Variants in GRM8 observed in about 807,000 individuals in gnomAD.
The protein encoded by GRM8 is metabotropic glutamate receptor 8.
A neutral mutation model predicts 87.2 loss-of-function variants in GRM8; 47 were observed. That is an observed-to-expected ratio of 0.54 (90% confidence interval 0.43 to 0.69). GRM8 has a LOEUF of 0.69. GRM8 is among the 30% of genes least tolerant of loss of function. The pLI, the probability that GRM8 is intolerant of heterozygous loss-of-function variation, is 0.00. For missense variants in GRM8, 1,019 were observed against 1,139.2 expected (o/e 0.89, Z 1.52); for synonymous variants, 396 against 404.5 (o/e 0.98, Z 0.25).
At chr7:126,777,453 TCTC>T (rs1819603073) in intron 6 of GRM8, among the ~76,000 whole-genome samples, 1 of 152,104 alleles carries the variant, frequency 6.6e-6, no homozygotes, top group Admixed American at 6.6e-5. Context: ...CGCTATTCCT[TCTC>T]CTCTGTGAAA....
intron 6 of GRM8, among the ~76,000 whole-genome samples, chr7:126,828,164 TA>T (rs1795003397): frequency 6.6e-6 from 1 of 152,174 alleles, no homozygotes; most frequent in African/African-American, 2.4e-5. Context: ...GATATTGGTC[TA>T]AAATTCTCTT....
At chr7:127,043,330 G>A (rs1313502795) in intron 3 of GRM8, among the ~76,000 whole-genome samples, 1 of 152,140 alleles carries the variant, frequency 6.6e-6, no homozygotes, top group African/African-American at 2.4e-5. Flanking sequence ...GTTTATTGTG[G>A]CACTATTCAC....
At chr7:126,960,491 A>G (rs1216045292) in intron 3 of GRM8, among the ~76,000 whole-genome samples, 2 of 152,224 alleles carry the variant, frequency 1.3e-5, no homozygotes, top group Non-Finnish European at 2.9e-5. Flanking sequence ...CCCAAAGACT[A>G]TACTATTCTT....
chr7:126,535,362 C>G (rs1584979809), intron 8 of GRM8, among the ~76,000 whole-genome samples: 2 of 152,182 alleles, frequency 1.3e-5, no homozygotes, highest in African/African-American at 4.8e-5. Flanking sequence ...TGATGCAGGA[C>G]AGACGAGCCC....
chr7:126,580,220 T>C (rs892878212), intron 8 of GRM8, among the ~76,000 whole-genome samples: 2 of 152,154 alleles, frequency 1.3e-5, no homozygotes, highest in Admixed American at 6.5e-5. Flanking sequence ...ATAATAGTTA[T>C]CGGATAAAAG....
intron 3 of GRM8, among the ~76,000 whole-genome samples, chr7:127,034,067 G>C (rs1003974867): frequency 3.3e-5 from 5 of 152,096 alleles, no homozygotes; most frequent in Admixed American, 2.6e-4. Context: ...ATCAAATTGG[G>C]GAAGGAAATG....
intron 2 of GRM8, among the ~76,000 whole-genome samples, chr7:127,161,339 T>C (rs1187708227): frequency 2.6e-5 from 4 of 152,120 alleles, no homozygotes; most frequent in Non-Finnish European, 4.4e-5. Context: ...ATCTGTGAGA[T>C]AGGGAGGTCC....
chr7:126,495,794 C>T (rs539114612), intron 9 of GRM8, among the ~76,000 whole-genome samples: 1 of 152,096 alleles, frequency 6.6e-6, no homozygotes, highest in South Asian at 2.1e-4. Flanking sequence ...CTTTCTGCTT[C>T]TTAAGCACAT....
intron 6 of GRM8, among the ~76,000 whole-genome samples, chr7:126,787,124 C>A (rs1175857491): frequency 6.6e-6 from 1 of 152,098 alleles, no homozygotes; most frequent in African/African-American, 2.4e-5. Context: ...CCAACAAGTG[C>A]CCAATACCAT....
intron 7 of GRM8, among the ~76,000 whole-genome samples, chr7:126,637,820 T>G (rs1349888968): frequency 6.6e-6 from 1 of 152,180 alleles, no homozygotes; most frequent in Non-Finnish European, 1.5e-5. Flanking sequence ...CTAAGGTAGC[T>G]GCATTTCAGC....
rs569453210 is a variant in GRM8 at position 126,506,720 on chromosome 7, C to T, written c.2430+26232G>A. On this transcript the variant is annotated intron_variant, in intron 9 of 10. Transcript: ENST00000339582. Reference sequence around the variant, plus strand: ...CTTGAGCCCAGGAAACAAAGGTTGCCGAGAGCTGAGATCACACCAGTGCAC... The same window carrying T: ...CTTGAGCCCAGGAAACAAAGGTTGCTGAGAGCTGAGATCACACCAGTGCAC... Among the ~76,000 whole-genome samples the T allele has an allele frequency of 7.3e-5, 11 of 151,080 alleles. No individual in the cohort carries two copies. In the South Asian group the frequency reaches 1.9e-3, roughly 26 times the overall value.
chr7:126,510,009 T>C (rs1451147273), intron 9 of GRM8, among the ~76,000 whole-genome samples: 1 of 151,876 alleles, frequency 6.6e-6, no homozygotes, highest in African/African-American at 2.4e-5. Flanking sequence ...TGATGTCTAT[T>C]AGAAAGAAAG....
chr7:126,918,253 C>G (rs1177986194), intron 3 of GRM8, among the ~76,000 whole-genome samples: 1 of 152,086 alleles, frequency 6.6e-6, no homozygotes, highest in African/African-American at 2.4e-5. Context: ...ATCAACAAGT[C>G]AGAAAACATT....
chr7:127,203,607 C>T (rs1223015696), intron 2 of GRM8, among the ~76,000 whole-genome samples: 1 of 152,048 alleles, frequency 6.6e-6, no homozygotes, highest in Non-Finnish European at 1.5e-5. Context: ...ACTTGGGAGG[C>T]TGAGCCAGGA....
chr7:126,985,681 AGGAAAC>A (rs1328313113), intron 3 of GRM8, among the ~76,000 whole-genome samples: 1 of 152,160 alleles, frequency 6.6e-6, no homozygotes, highest in East Asian at 1.9e-4. Context: ...TCACATGGGG[AGGAAAC>A]TGAGCATGCT....
chr7:126,944,540 A>G (rs1431459336), intron 3 of GRM8, among the ~76,000 whole-genome samples: 1 of 152,214 alleles, frequency 6.6e-6, no homozygotes, highest in African/African-American at 2.4e-5. Context: ...ATTATTAAAG[A>G]TGTTAAACAG....
intron 2 of GRM8, among the ~76,000 whole-genome samples, chr7:127,186,088 AAGG>A (rs1378862613): frequency 5.3e-5 from 8 of 152,212 alleles, no homozygotes; most frequent in Non-Finnish European, 8.8e-5. Flanking sequence ...CAGACAGATG[AAGG>A]AGGTGATGTG....
At chr7:126,841,816 T>C (rs981885632) in intron 6 of GRM8, among the ~76,000 whole-genome samples, 4 of 151,850 alleles carry the variant, frequency 2.6e-5, no homozygotes, top group African/African-American at 9.7e-5. Flanking sequence ...ATATTTTTAG[T>C]GGAGATGGGG....
intron 9 of GRM8, among the ~76,000 whole-genome samples, chr7:126,506,506 T>G (rs1268442690): frequency 6.6e-6 from 1 of 151,966 alleles, no homozygotes; most frequent in African/African-American, 2.4e-5. Flanking sequence ...CCTCAATAAT[T>G]TATTCAATAA....
Sources: gnomAD v4.1 joint callset for allele counts (sites outside exome capture counted in the v4.1 genomes callset) on GRCh38, gnomAD v4.1.1 for gene constraint, MANE v1.5 for transcripts, NCBI Gene and HGNC (gene_info 2026-07-23, HGNC 2026-07-21) for gene names.